Variants in CLEC16A observed in about 807,000 individuals in gnomAD.
CLEC16A encodes protein CLEC16A.
CLEC16A carries 51 observed loss-of-function variants against 109.5 expected under a neutral mutation model. That is an observed-to-expected ratio of 0.47 (90% CI 0.37 to 0.59). The LOEUF (loss-of-function observed/expected upper bound fraction) is 0.59, where lower values mean the gene tolerates loss of function less well. CLEC16A is among the 20% of genes least tolerant of loss of function. The pLI is 0.00. For synonymous variants in CLEC16A, 673 were observed against 564.2 expected (o/e 1.19, Z -2.73); for missense variants, 1,339 against 1,394.0 (o/e 0.96, Z 0.63).
rs188147995 is a variant in CLEC16A, at chr16:11,115,571, C to G, written c.2117-5044C>G. 2.7e-3 allele frequency among the ~76,000 whole-genome samples: 414 copies of G among 152,218 alleles called. 1 individual carries two copies. Among genetic ancestry groups the G allele is most frequent in the African/African-American group, 9.7e-3 (401 of 41,532 alleles). ...TACTTTTAGTAGAGGTGAGGTTTTG[C>G]CATGTTGCACAGGCCGGTGTGGAAC... On this transcript the variant is annotated intron_variant, in intron 19 of 23. Transcript: ENST00000409790.
At chr16:11,109,025 G>C (rs187353488) in intron 19 of CLEC16A, among the ~76,000 whole-genome samples, 2,060 of 148,876 alleles carry the variant, frequency 0.014, 30 homozygotes, top group African/African-American at 0.048. Context: ...GCAGGAGAAT[G>C]GCATGAACCC....
intron 19 of CLEC16A, among the ~76,000 whole-genome samples, chr16:11,103,131 G>A (rs1280867449): frequency 6.6e-6 from 1 of 152,216 alleles, no homozygotes; most frequent in Non-Finnish European, 1.5e-5. Flanking sequence ...AAACCCCAGA[G>A]GTTTGGTGGA....
intron 4 of CLEC16A, among the ~76,000 whole-genome samples, chr16:10,969,684 C>T (rs1479302781): frequency 2.0e-5 from 3 of 152,100 alleles, no homozygotes; most frequent in African/African-American, 7.2e-5. Flanking sequence ...TCAGTTTGTT[C>T]TGAGAGCTTT....
rs778496603 is a variant in CLEC16A, at chr16:11,156,567, G to A, written c.2642-9821G>A. ...TCTAACCCGCCTTCCTCCTGCTGCC[G>A]TTTCAGCCCTGCTGACTGCCGCAGT... On this transcript the variant is annotated intron_variant, in intron 22 of 23. Coordinates refer to ENST00000409790, the MANE Select transcript of CLEC16A (RefSeq NM_015226.3). 113 of 1,303,296 alleles carry A rather than the reference G, an allele frequency of 8.7e-5. 1 individual carries two copies. Among genetic ancestry groups the A allele is most frequent in the South Asian group, 4.4e-4 (36 of 81,006 alleles). 80.7% of individuals were successfully genotyped at this position (1,303,296 alleles called of 1,614,324 possible).
intron 22 of CLEC16A, among the ~76,000 whole-genome samples, chr16:11,128,977 C>G (rs1051476140): frequency 2.0e-5 from 3 of 152,164 alleles, no homozygotes; most frequent in African/African-American, 7.2e-5. Context: ...TTTCCTGTTG[C>G]ACTTAGAACA....
chr16:11,178,299 G>A lies in CLEC16A; in HGVS notation c.2807-36G>A, dbSNP rs2068838778. 1 of 1,557,274 alleles carries A rather than the reference G, an allele frequency of 6.4e-7. No homozygotes were observed. Among genetic ancestry groups the A allele is most frequent in the East Asian group, 2.3e-5 (1 of 44,244 alleles). ...CGCAGTGCGACGGGGTGTCTCAAGG[G>A]CTCAGTGTGTTTCCGGTTTTTCTCC... is the stretch of plus-strand genomic sequence containing the variant. On this transcript the variant is annotated intron_variant, in intron 23 of 23. Transcript: ENST00000409790. This position sits in a 1 kb window ranked among gnomAD's most constrained non-coding sequence, Gnocchi z 6.5.
intron 10 of CLEC16A, among the ~76,000 whole-genome samples, chr16:10,995,693 C>G (rs905685833): frequency 6.6e-6 from 1 of 152,164 alleles, no homozygotes; most frequent in African/African-American, 2.4e-5. Context: ...CTACTCTTGT[C>G]TCTGTTTTAC....
At chr16:11,153,664 T>TC in intron 22 of CLEC16A, among the ~76,000 whole-genome samples, 1 of 151,744 alleles carries the variant, frequency 6.6e-6, no homozygotes, top group Middle Eastern at 3.4e-3. Flanking sequence ...GGAAAAGCAT[T>TC]CCTTCTGGGG....
intron 10 of CLEC16A, 54 bp from the exon 11 acceptor site, chr16:11,003,020 C>A: frequency 7.0e-7 from 1 of 1,433,740 alleles, no homozygotes; most frequent in Non-Finnish European, 9.4e-7. Flanking sequence ...TTGATAGCAT[C>A]CAGCAGGATT....
chr16:11,027,346 C>G (rs1477213190), intron 13 of CLEC16A: 74 of 1,409,770 alleles, frequency 5.2e-5, no homozygotes, highest in Non-Finnish European at 5.1e-5. Flanking sequence ...AGAACCATTG[C>G]AAGACTTTGC....
chr16:10,948,125 C>T (rs561000560), intron 1 of CLEC16A, among the ~76,000 whole-genome samples: 2 of 152,296 alleles, frequency 1.3e-5, no homozygotes, highest in East Asian at 1.9e-4. Flanking sequence ...GATCTCCTGA[C>T]CTTGTGATCT....
chr16:10,986,653 G>A (rs2043676406), intron 10 of CLEC16A, among the ~76,000 whole-genome samples: 1 of 151,184 alleles, frequency 6.6e-6, no homozygotes, highest in Non-Finnish European at 1.5e-5. Flanking sequence ...TTTGTCACTG[G>A]CTCATTTCAC....
intron 19 of CLEC16A, among the ~76,000 whole-genome samples, chr16:11,070,080 T>G (rs1406160100): frequency 3.3e-5 from 5 of 152,078 alleles, no homozygotes; most frequent in Non-Finnish European, 5.9e-5. Context: ...CACCATTTTT[T>G]TTTTTTTTGA....
In CLEC16A at chr16:11,129,267, C is replaced by T. The variant is rs1225423688; in HGVS notation, c.2641+3121C>T. Among the ~76,000 whole-genome samples the T allele has an allele frequency of 3.9e-5, 6 of 152,232 alleles. 1 individual carries two copies. In the East Asian group the frequency reaches 1.2e-3, roughly 29 times the overall value. Reference sequence around the variant, plus strand: ...AGAAATTAAAACTAAGAAATGCTTTCAATATATACTTCTTGAATAAACCCA... The same window carrying T: ...AGAAATTAAAACTAAGAAATGCTTTTAATATATACTTCTTGAATAAACCCA... On this transcript the variant is annotated intron_variant, in intron 22 of 23. Transcript: ENST00000409790.
At chr16:11,135,732 T>C (rs2041733) in intron 22 of CLEC16A, among the ~76,000 whole-genome samples, 83,821 of 152,176 alleles carry the variant, frequency 0.55, 23,572 homozygotes, top group African/African-American at 0.62. Flanking sequence ...ACCTGGGCCA[T>C]GCCTTAGAAT....
At position 11,134,249 on chromosome 16, in the gene CLEC16A, AGGCAAAACTACGTTGTC is replaced by A. The variant is rs1470205883; in HGVS notation, c.2641+8107_2641+8123del. 2.7e-5 allele frequency among the ~76,000 whole-genome samples: 4 copies of A among 148,464 alleles called. No homozygotes were observed. The Admixed American group carries it at 2.7e-4, about 10-fold the overall frequency. ...AGCCACCTAAGGCCTCACTGGTACC[AGGCAAAACTACGTTGTC>A]GGCTCCAACTCTAAGCATATTTTAG... On this transcript the variant is annotated intron_variant, in intron 22 of 23. Coordinates refer to ENST00000409790, the MANE Select transcript of CLEC16A (RefSeq NM_015226.3).
chr16:11,074,271 A>T (rs1597296160), intron 19 of CLEC16A, among the ~76,000 whole-genome samples: 1 of 152,236 alleles, frequency 6.6e-6, no homozygotes, highest in Non-Finnish European at 1.5e-5. Context: ...AATGGAAAAC[A>T]TGGAATTCAC....
intron 13 of CLEC16A, among the ~76,000 whole-genome samples, chr16:11,034,737 T>C (rs956031137): frequency 2.0e-5 from 3 of 152,202 alleles, no homozygotes; most frequent in Admixed American, 2.0e-4. Flanking sequence ...AGGGTTTCTT[T>C]GGAATTTGTC....
chr16:11,002,396 C>G (rs1400324208), intron 10 of CLEC16A, among the ~76,000 whole-genome samples: 1 of 152,174 alleles, frequency 6.6e-6, no homozygotes, highest in Non-Finnish European at 1.5e-5. Flanking sequence ...TAAATGGTAG[C>G]TGGCACTGTT....
Sources: allele counts gnomAD v4.1 joint callset (sites outside exome capture counted in the v4.1 genomes callset), GRCh38; gene constraint gnomAD v4.1.1; non-coding constraint Gnocchi (gnomAD v3.1); transcripts MANE v1.5; gene names NCBI Gene and HGNC (gene_info 2026-07-23, HGNC 2026-07-21).